The following TCN1 variants were observed in gnomAD, a reference collection of about 807,000 sequenced individuals.
TCN1 encodes the protein transcobalamin-1.
Under a neutral mutation model 46.3 loss-of-function variants are expected in TCN1, and 47 were observed. That is an observed-to-expected ratio of 1.01 (90% CI 0.80 to 1.29). TCN1 has a LOEUF of 1.29. Among genes scored for constraint, TCN1 ranks in the 50% most tolerant of loss-of-function variants. The pLI, the probability that TCN1 is intolerant of heterozygous loss-of-function variation, is 0.00. For missense variants in TCN1, 532 were observed against 511.0 expected, an observed-to-expected ratio of 1.04 and a Z score of -0.40; for synonymous variants, 183 against 192.5, an observed-to-expected ratio of 0.95 and a Z score of 0.41.
At position 59,852,847 on chromosome 11, in the gene TCN1, A is replaced by G; in HGVS notation, c.*128T>C. The G allele has an allele frequency of 1.2e-6, 1 of 849,762 alleles. No individual in the cohort carries two copies. Among genetic ancestry groups the G allele is most frequent in the Non-Finnish European group, 2.0e-6 (1 of 487,820 alleles). 52.6% of individuals were successfully genotyped at this position (849,762 alleles called of 1,614,324 possible). A position where few individuals can be genotyped will look rare whatever the true frequency, so the allele number is the denominator to read the frequency against. On this transcript the variant is annotated 3_prime_UTR_variant, in exon 9 of 9. Transcript: ENST00000257264. ...TTTCAACAACTTTTATTGAACATGT[A>G]GAGAGAGAAGGGGAGGTTATTAACT... is the stretch of plus-strand genomic sequence containing the variant.
rs1357694110 is a variant in TCN1 at position 59,854,652 on chromosome 11, C to A, written c.1121G>T (p.Gly374Val). The A allele has an allele frequency of 4.3e-6, 7 of 1,613,450 alleles. No homozygotes were observed. Among genetic ancestry groups the A allele is most frequent in the Middle Eastern group, 3.3e-4 (2 of 6,074 alleles). The stretch of plus-strand genomic sequence containing the variant: ...AACCTTAGGTTAGGTACAGACCTAC[C>A]CAAATATAGTATCATTCATTTTCTG... ...KAQKMNDTIF[G>V]FTMEERSWGP... Residue 374 changes from glycine to valine, a missense_variant and splice_region_variant, in exon 7 of 9, where the codon GGT becomes GTT. By Grantham distance (109) the Gly-to-Val change is moderately radical. Transcript: ENST00000257264.
At chr11:59,858,458 G>A (rs1852974221) in intron 5 of TCN1, among the ~76,000 whole-genome samples, 1 of 152,188 alleles carries the variant, frequency 6.6e-6, no homozygotes, top group Non-Finnish European at 1.5e-5. Context: ...TGTAAACTAC[G>A]TGTGATAGAA....
intron 5 of TCN1, 85 bp from the exon 6 acceptor site, chr11:59,856,143 G>T: frequency 9.0e-7 from 1 of 1,110,574 alleles, no homozygotes; most frequent in Non-Finnish European, 1.4e-6. Flanking sequence ...TAAGGGGGAA[G>T]CCTTATCTAT....
chr11:59,855,810 C>CA, intron 6 of TCN1, 59 bp downstream of exon 6: 1 of 1,593,328 alleles, frequency 6.3e-7, no homozygotes, highest in African/African-American at 1.3e-5. Context: ...ACCTGAATCT[C>CA]ACATGCTTTG....
intron 3 of TCN1, among the ~76,000 whole-genome samples, chr11:59,862,337 A>ATG (rs373753450): frequency 2.0e-5 from 3 of 151,012 alleles, no homozygotes; most frequent in South Asian, 2.1e-4. Context: ...GTGTGTGTGT[A>ATG]TGTGTGTGTG....
intron 7 of TCN1, 48 bp downstream of exon 7, chr11:59,854,604 T>C (rs777803150): frequency 5.0e-6 from 8 of 1,593,012 alleles, no homozygotes; most frequent in Middle Eastern, 1.7e-4. Flanking sequence ...TACTGCATCT[T>C]TAGAAATGAC....
In TCN1 at chr11:59,862,741, A is replaced by C. The variant is rs543130801; in HGVS notation, c.260-19T>G. 6.2e-7 allele frequency: 1 copy of C among 1,612,616 alleles called. No homozygotes were observed. Among genetic ancestry groups the C allele is most frequent in the Non-Finnish European group, 8.5e-7 (1 of 1,179,520 alleles). On this transcript the variant is annotated intron_variant, in intron 2 of 8. Transcript: ENST00000257264. ...TCTGACACTGAAAAGAAAAGTATTC[A>C]AGCTTAATAAGGTACAGGCTTGTGA... is the stretch of plus-strand genomic sequence containing the variant.
chr11:59,854,099 A>C (rs1866696096), intron 7 of TCN1, among the ~76,000 whole-genome samples: 1 of 151,402 alleles, frequency 6.6e-6, no homozygotes, highest in African/African-American at 2.5e-5. Flanking sequence ...TGAAACCCTC[A>C]GTTGAAATGC....
At chr11:59,858,780 C>T (rs1852981431) in intron 5 of TCN1, among the ~76,000 whole-genome samples, 1 of 152,114 alleles carries the variant, frequency 6.6e-6, no homozygotes, top group Non-Finnish European at 1.5e-5. Context: ...ACCGGCCTGG[C>T]CAACATGGTG....
At chr11:59,858,985 C>A in intron 5 of TCN1, 92 bp downstream of exon 5, 2 of 1,439,886 alleles carry the variant, frequency 1.4e-6, no homozygotes, top group Admixed American at 1.7e-5. Context: ...GCCTGGGCAA[C>A]AAGAGCGAAG....
intron 7 of TCN1, among the ~76,000 whole-genome samples, chr11:59,853,959 A>G (rs1866695105): frequency 6.8e-6 from 1 of 146,636 alleles, no homozygotes; most frequent in Admixed American, 6.7e-5. Context: ...AAGGAGCCAA[A>G]TAAGTCATAC....
At chr11:59,859,347 G>A in intron 4 of TCN1, 80 bp from the exon 5 acceptor site, 10 of 1,458,336 alleles carry the variant, frequency 6.9e-6, no homozygotes, top group Non-Finnish European at 9.5e-6. Context: ...TGGGATGTGA[G>A]ACTTTCAGTG....
rs1243487245 is a variant in TCN1, at chr11:59,852,998, C to G, written c.1279G>C (p.Glu427Gln). The G allele has an allele frequency of 5.0e-6, 8 of 1,614,134 alleles. No homozygotes were observed. The highest frequency in any genetic ancestry group is 6.8e-6 in the Non-Finnish European group (8 of 1,180,024). Reference sequence around the variant, plus strand: ...TATTAGTATTTGCTCCAGCGAACCTCCAAGTTTTCTCCATTGCGGACAACG... The same window carrying G: ...TATTAGTATTTGCTCCAGCGAACCTGCAAGTTTTCTCCATTGCGGACAACG... ...SYVVRNGENL[E>Q]VRWSKY Residue 427 changes from glutamate to glutamine, a missense_variant, in exon 9 of 9, where the codon GAG becomes CAG. Glu to Gln is a conservative substitution (Grantham distance 29). Transcript: ENST00000257264.
chr11:59,852,928 A>G lies in TCN1; in HGVS notation c.*47T>C, dbSNP rs940448461. ...AAGGCATAAGGACAATAAACATGGA[A>G]CTCCACTGCAAATGGATTTTATGCA... On this transcript the variant is annotated 3_prime_UTR_variant, in exon 9 of 9. Transcript: ENST00000257264. 2 of 1,552,752 alleles carry G rather than the reference A, an allele frequency of 1.3e-6. No individual in the cohort carries two copies. Among genetic ancestry groups the G allele is most frequent in the Admixed American group, 3.3e-5 (2 of 59,874 alleles).
intron 1 of TCN1, among the ~76,000 whole-genome samples, chr11:59,865,783 CTTACT>C (rs931829673): frequency 6.6e-6 from 1 of 152,114 alleles, no homozygotes; most frequent in African/African-American, 2.4e-5. Flanking sequence ...TTTCCCTTCT[CTTACT>C]TTAAAGTTCT....
At position 59,863,991 on chromosome 11, in the gene TCN1, A is replaced by G. The variant is rs760452056; in HGVS notation, c.175T>C (p.Leu59=). ...TGGATTCCAACAAGTTTGAGGGACA[A>G]CACAACATTGACAGCGCTGGTTCCC... ...NRGTSAVNVV[L]SLKLVGIQIQ... The change falls in exon 2 of 9, where the codon TTG becomes CTG. Residue 59 remains leucine, a synonymous_variant. Coordinates refer to ENST00000257264, the MANE Select transcript of TCN1 (RefSeq NM_001062.4). The G allele has an allele frequency of 4.3e-6, 7 of 1,613,718 alleles. No individual in the cohort carries two copies. Among genetic ancestry groups the G allele is most frequent in the Non-Finnish European group, 5.9e-6 (7 of 1,179,870 alleles).
rs1175780164 is a variant in TCN1 at position 59,863,955 on chromosome 11, G to C, written c.211C>G (p.Leu71Val). ...ATTTGTTGGATCATCTTTTGCATCAGGGTTTGGATCTGGATTCCAACAAGT... is the reference window on the plus strand; with the variant it reads ...ATTTGTTGGATCATCTTTTGCATCACGGTTTGGATCTGGATTCCAACAAGT... ...LKLVGIQIQT[L>V]MQKMIQQIKY... Residue 71 changes from leucine to valine, a missense_variant, in exon 2 of 9, where the codon CTG becomes GTG. Transcript: ENST00000257264. The C allele has an allele frequency of 6.2e-7, 1 of 1,613,900 alleles. No individual in the cohort carries two copies.
At chr11:59,862,766 A>AT (rs778794941) in intron 2 of TCN1, 44 bp from the exon 3 acceptor site, 1 of 1,609,780 alleles carries the variant, frequency 6.2e-7, no homozygotes, top group South Asian at 1.1e-5. Context: ...CAGGCTTGTG[A>AT]TTTTTTGGGC....
rs1822385556 is a variant in TCN1 at position 59,859,354 on chromosome 11, A to G, written c.557-87T>C. 14 of 1,420,508 alleles carry G rather than the reference A, an allele frequency of 9.9e-6. No homozygotes were observed. In the Admixed American group the frequency reaches 1.3e-4, roughly 14 times the overall value. The allele number at this position is 1,420,508 out of a possible 1,614,324, so 88.0% of individuals were successfully genotyped here. ...AGGTTTCCTGGGATGTGAGACTTTC[A>G]GTGCTAAAAGAAAAACAGATCTAGA... is the stretch of plus-strand genomic sequence containing the variant. On this transcript the variant is annotated intron_variant, in intron 4 of 8. Transcript: ENST00000257264.
Sources: gnomAD v4.1 joint callset for allele counts (sites outside exome capture counted in the v4.1 genomes callset) on GRCh38, gnomAD v4.1.1 for gene constraint, MANE v1.5 for transcripts, NCBI Gene and HGNC (gene_info 2026-07-23, HGNC 2026-07-21) for gene names.